Variants in RMDN2 observed in about 807,000 individuals in gnomAD.
RMDN2 encodes regulator of microtubule dynamics protein 2.
Under a neutral mutation model 52.8 loss-of-function variants are expected in RMDN2, and 61 were observed. The observed-to-expected ratio is 1.16, with a 90% CI of 0.94 to 1.43. RMDN2 has a LOEUF of 1.43. Among genes scored for constraint, RMDN2 ranks in the 40% most tolerant of loss-of-function variants. The pLI is 0.00. For synonymous variants in RMDN2, 180 were observed against 153.1 expected (o/e 1.18, Z -1.30); for missense variants, 592 against 475.3 (o/e 1.25, Z -2.28).
At chr2:38,013,337 C>T (rs916270795) in intron 10 of RMDN2, among the ~76,000 whole-genome samples, 1 of 152,112 alleles carries the variant, frequency 6.6e-6, no homozygotes, top group African/African-American at 2.4e-5. Context: ...TAAAGAAAAA[C>T]CCATATTTTA....
chr2:38,035,715 T>A (rs751636481), intron 10 of RMDN2, among the ~76,000 whole-genome samples: 1 of 152,210 alleles, frequency 6.6e-6, no homozygotes, highest in African/African-American at 2.4e-5. Context: ...ACAGATAGGA[T>A]AGGCTATGAA....
At chr2:38,002,422 GAAAATGATGAAGTAT>G (rs2125184149) in intron 8 of RMDN2, among the ~76,000 whole-genome samples, 2 of 152,108 alleles carry the variant, frequency 1.3e-5, no homozygotes, top group South Asian at 4.2e-4. Context: ...TACAGCTATT[GAAAATGATGAAGTAT>G]ATCTATGCTG....
intron 10 of RMDN2, among the ~76,000 whole-genome samples, chr2:38,052,205 G>A (rs114401220): frequency 0.014 from 2,110 of 152,112 alleles, 64 homozygotes; most frequent in African/African-American, 0.048. Flanking sequence ...TTTGATAATA[G>A]ACATTGTAAC....
At chr2:37,937,719 G>C (rs960155428) in intron 2 of RMDN2, among the ~76,000 whole-genome samples, 72 of 152,048 alleles carry the variant, frequency 4.7e-4, no homozygotes, top group African/African-American at 1.7e-3. Context: ...GGAATGCTTG[G>C]AATTTTTGCA....
At chr2:37,976,788 A>T (rs773085276) in intron 4 of RMDN2, among the ~76,000 whole-genome samples, 2 of 152,188 alleles carry the variant, frequency 1.3e-5, no homozygotes, top group East Asian at 3.8e-4. Context: ...AAATCCAAGT[A>T]TATCTATGTA....
At chr2:38,007,983 C>T (rs543018876) in intron 10 of RMDN2, among the ~76,000 whole-genome samples, 2 of 152,242 alleles carry the variant, frequency 1.3e-5, no homozygotes, top group South Asian at 4.2e-4. Flanking sequence ...CACTCAGGAG[C>T]AGGTTGTTCA....
chr2:37,932,929 C>G (rs1327022573), intron 2 of RMDN2, among the ~76,000 whole-genome samples: 1 of 151,214 alleles, frequency 6.6e-6, no homozygotes, highest in Non-Finnish European at 1.5e-5. Context: ...CCCCCCACCT[C>G]CCTCCCGGAC....
intron 4 of RMDN2, among the ~76,000 whole-genome samples, chr2:37,978,294 T>G (rs1413235324): frequency 1.9e-5 from 2 of 106,990 alleles, no homozygotes; most frequent in Non-Finnish European, 3.5e-5. Context: ...GGGCTCGGCA[T>G]CAGAGGGAGA....
In RMDN2 at chr2:38,004,055, C is replaced by G. The variant is rs1355456437; in HGVS notation, c.1098+11C>G. The G allele has an allele frequency of 2.5e-6, 4 of 1,610,536 alleles. No individual in the cohort carries two copies. Among genetic ancestry groups the G allele is most frequent in the Non-Finnish European group, 3.4e-6 (4 of 1,177,006 alleles). ...ATGTACTTAGCAAAGGTAATGAAGACCACTGTTCTGCTTTAAGATCACTTT... is the reference window on the plus strand; with the variant it reads ...ATGTACTTAGCAAAGGTAATGAAGAGCACTGTTCTGCTTTAAGATCACTTT... On this transcript the variant is annotated intron_variant, in intron 9 of 10. Transcript: ENST00000354545.
At chr2:37,961,762 G>C (rs1031467863) in intron 2 of RMDN2, among the ~76,000 whole-genome samples, 2 of 152,112 alleles carry the variant, frequency 1.3e-5, no homozygotes, top group Non-Finnish European at 2.9e-5. Flanking sequence ...CTTTGGAGGA[G>C]AAGAGGCATT....
chr2:37,922,176 G>A (rs887640235), upstream of RMDN2, among the ~76,000 whole-genome samples: 3 of 152,160 alleles, frequency 2.0e-5, no homozygotes, highest in African/African-American at 7.2e-5. Flanking sequence ...GCCTGGAAAT[G>A]AAGGTTGATT....
intron 2 of RMDN2, among the ~76,000 whole-genome samples, chr2:37,945,846 G>A (rs896742917): frequency 1.3e-5 from 2 of 152,062 alleles, no homozygotes; most frequent in African/African-American, 4.8e-5. Flanking sequence ...ACTGCCTCTC[G>A]CCTTACTCAT....
At chr2:38,026,495 C>G (rs2125266599) in intron 10 of RMDN2, among the ~76,000 whole-genome samples, 1 of 152,224 alleles carries the variant, frequency 6.6e-6, no homozygotes. Context: ...TTTCCACTCT[C>G]AACTTTATCA....
chr2:38,004,656 C>T (rs1676810771), intron 10 of RMDN2, among the ~76,000 whole-genome samples: 2 of 152,022 alleles, frequency 1.3e-5, no homozygotes, highest in East Asian at 1.9e-4. Flanking sequence ...CCCTGACAGC[C>T]ACCCTTCTAC....
intron 10 of RMDN2, chr2:38,030,347 T>C (rs1239635888): frequency 1.3e-5 from 2 of 152,362 alleles, no homozygotes; most frequent in East Asian, 3.9e-4. Flanking sequence ...CTTGAAATTA[T>C]AATTCTTATC....
chr2:37,942,429 G>A (rs1032244221), intron 2 of RMDN2, among the ~76,000 whole-genome samples: 1 of 152,188 alleles, frequency 6.6e-6, no homozygotes, highest in East Asian at 1.9e-4. Flanking sequence ...TTAGGCATAT[G>A]TGGAAGAATT....
chr2:37,930,881 G>A lies in RMDN2; in HGVS notation c.452+1152G>A, dbSNP rs181627727. On this transcript the variant is annotated intron_variant, in intron 2 of 10. Coordinates refer to ENST00000354545, the MANE Select transcript of RMDN2 (RefSeq NM_001170791.3). ...CTGGCACGGTGGGCCTTCCGCCTCC[G>A]CCTGACATGAGGACAAAGGGGCACA... Among the ~76,000 whole-genome samples the A allele has an allele frequency of 6.7e-3, 1,017 of 152,246 alleles. 11 individuals are homozygous for A. Among genetic ancestry groups the A allele is most frequent in the African/African-American group, 0.023 (966 of 41,530 alleles).
At position 37,936,842 on chromosome 2, in the gene RMDN2, G is replaced by A. The variant is rs1009443755; in HGVS notation, c.452+7113G>A. On this transcript the variant is annotated intron_variant, in intron 2 of 10. Coordinates refer to ENST00000354545, the MANE Select transcript of RMDN2 (RefSeq NM_001170791.3). Reference sequence around the variant, plus strand: ...CAAAAATTTTCTCCCATTCTGTAGGGTGCCTGTTCACTCTGATGATACTTT... The same window carrying A: ...CAAAAATTTTCTCCCATTCTGTAGGATGCCTGTTCACTCTGATGATACTTT... Among the ~76,000 whole-genome samples the A allele has an allele frequency of 1.3e-5, 2 of 152,064 alleles. 1 individual carries two copies. Among genetic ancestry groups the A allele is most frequent in the Non-Finnish European group, 2.9e-5 (2 of 67,990 alleles).
rs557958886 is a variant in RMDN2, at chr2:37,997,364, C to T, written c.946-52C>T. On this transcript the variant is annotated intron_variant, in intron 7 of 10. Coordinates refer to ENST00000354545, the MANE Select transcript of RMDN2 (RefSeq NM_001170791.3). ...ACACGTCTAACTGGGGAGAGATAAT[C>T]CATTCAAAAGGTGAACAACTTTCTA... 8.9e-4 allele frequency: 963 copies of T among 1,081,598 alleles called. 4 individuals are homozygous for T. Among genetic ancestry groups the T allele is most frequent in the Admixed American group, 2.1e-3 (123 of 59,150 alleles). The allele number at this position is 1,081,598 out of a possible 1,614,324, so 67.0% of individuals were successfully genotyped here.
Sources: allele counts gnomAD v4.1 joint callset (sites outside exome capture counted in the v4.1 genomes callset), GRCh38; gene constraint gnomAD v4.1.1; transcripts MANE v1.5; gene names NCBI Gene and HGNC (gene_info 2026-07-23, HGNC 2026-07-21).